The following SBF2 variants were observed in gnomAD, a reference collection of about 807,000 sequenced individuals.
SBF2 encodes SET binding factor 2, also known as myotubularin-related protein 13.
Under a neutral mutation model 225.2 loss-of-function variants are expected in SBF2, and 112 were observed. The ratio of observed to expected loss-of-function variants is 0.50; its 90% CI spans 0.43 to 0.58. The LOEUF is 0.58. Among genes scored for constraint, SBF2 ranks in the 20% least tolerant of loss-of-function variants. The pLI, the probability that SBF2 is intolerant of heterozygous loss-of-function variation, is 0.00. For missense variants in SBF2, 1,996 were observed against 2,206.2 expected (o/e 0.90, Z 1.91); for synonymous variants, 763 against 773.3 (o/e 0.99, Z 0.22).
intron 6 of SBF2, among the ~76,000 whole-genome samples, chr11:10,007,025 T>TTA (rs1460574743): frequency 2.0e-5 from 3 of 152,024 alleles, no homozygotes; most frequent in African/African-American, 7.2e-5. Flanking sequence ...TGGTCTCGGG[T>TTA]TAACAGATTA....
At chr11:9,799,694 A>G (rs1853366121) in intron 32 of SBF2, among the ~76,000 whole-genome samples, 1 of 152,208 alleles carries the variant, frequency 6.6e-6, no homozygotes, top group African/African-American at 2.4e-5. Flanking sequence ...AGAAGAAATG[A>G]TGAGATGGCT....
At chr11:9,975,490 A>G (rs905981452) in intron 13 of SBF2, among the ~76,000 whole-genome samples, 3 of 152,238 alleles carry the variant, frequency 2.0e-5, no homozygotes, top group Non-Finnish European at 4.4e-5. Context: ...AGATGTGACT[A>G]TAAAGGAGAA....
intron 16 of SBF2, chr11:9,959,213 G>A (rs17271623): frequency 0.12 from 92,070 of 778,234 alleles, 6,296 homozygotes; most frequent in Non-Finnish European, 0.13. Flanking sequence ...CACTGGGCAG[G>A]CATGACCTCA....
At chr11:9,908,392 G>A (rs1482368834) in intron 16 of SBF2, among the ~76,000 whole-genome samples, 4 of 151,820 alleles carry the variant, frequency 2.6e-5, no homozygotes, top group Admixed American at 1.3e-4. Flanking sequence ...TTGGGAGGCC[G>A]AGGCGGGTAG....
In SBF2 at chr11:10,250,349, G is replaced by A. The variant is rs536816511; in HGVS notation, c.55+43666C>T. ...GTATTCAAGAGGATGTAAGTCCAAC[G>A]CTAAGCATGGACTCAGAACCAGGAC... On this transcript the variant is annotated intron_variant, in intron 1 of 39. Coordinates refer to ENST00000256190, the MANE Select transcript of SBF2 (RefSeq NM_030962.4). Among the ~76,000 whole-genome samples, 9 of 152,234 alleles carry A rather than the reference G, an allele frequency of 5.9e-5. No individual in the cohort carries two copies. The South Asian group carries it at 1.5e-3, about 25-fold the overall frequency.
At chr11:10,001,878 T>C (rs1206652954) in intron 7 of SBF2, among the ~76,000 whole-genome samples, 1 of 152,176 alleles carries the variant, frequency 6.6e-6, no homozygotes, top group Non-Finnish European at 1.5e-5. Flanking sequence ...CTAGTTTATA[T>C]GAACTAATTT....
At chr11:10,154,868 A>G (rs1266456014) in intron 2 of SBF2, among the ~76,000 whole-genome samples, 8 of 152,158 alleles carry the variant, frequency 5.3e-5, no homozygotes, top group Non-Finnish European at 1.0e-4. Flanking sequence ...TCTCAGTGAC[A>G]GCTGATCTAT....
At chr11:10,002,766 G>T in intron 6 of SBF2, 77 bp from the exon 7 acceptor site, 2 of 1,399,804 alleles carry the variant, frequency 1.4e-6, no homozygotes, top group Non-Finnish European at 2.0e-6. Flanking sequence ...CAGTATACAC[G>T]GAAAGAAAAA....
chr11:9,983,560 C>T (rs1947053778), intron 13 of SBF2, among the ~76,000 whole-genome samples: 1 of 152,270 alleles, frequency 6.6e-6, no homozygotes, highest in South Asian at 2.1e-4. Flanking sequence ...ACCACTGGTC[C>T]CTCTCCACAC....
intron 13 of SBF2, among the ~76,000 whole-genome samples, chr11:9,980,036 A>G (rs1226191807): frequency 6.6e-6 from 1 of 151,246 alleles, no homozygotes; most frequent in Non-Finnish European, 1.5e-5. Context: ...GGCTGGATGC[A>G]GTGGTGTGAT....
chr11:9,856,710 G>C lies in SBF2; in HGVS notation c.2111C>G (p.Pro704Arg). 4 of 1,613,688 alleles carry C rather than the reference G, an allele frequency of 2.5e-6. No individual in the cohort carries two copies. The highest frequency in any genetic ancestry group is 3.4e-6 in the Non-Finnish European group (4 of 1,179,984). The change falls in exon 19 of 40, where the codon CCT becomes CGT. Residue 704 changes from proline to arginine, a missense_variant. Pro to Arg is a moderately radical substitution (Grantham distance 103). Coordinates refer to ENST00000256190, the MANE Select transcript of SBF2 (RefSeq NM_030962.4). ...APHLKQKDKL[P>R]DDHYQEKTAM... ...TGTCTTCTCCTGATAATGGTCATCAGGAAGCTTATCCTAAAAAATAAAGCA... is the reference window on the plus strand; with the variant it reads ...TGTCTTCTCCTGATAATGGTCATCACGAAGCTTATCCTAAAAAATAAAGCA...
At chr11:10,162,954 T>C (rs1955815020) in intron 2 of SBF2, among the ~76,000 whole-genome samples, 1 of 152,052 alleles carries the variant, frequency 6.6e-6, no homozygotes, top group Non-Finnish European at 1.5e-5. Flanking sequence ...TTTAGACTAG[T>C]TTTAGCTCCT....
intron 13 of SBF2, among the ~76,000 whole-genome samples, chr11:9,979,056 T>C (rs988315360): frequency 2.0e-5 from 3 of 152,174 alleles, no homozygotes; most frequent in Admixed American, 6.5e-5. Flanking sequence ...TTTTTTCCTA[T>C]TGGAGGCGAT....
At chr11:9,967,963 CTCTCTCTCTATATATATA>C (rs1275380592) in intron 14 of SBF2, among the ~76,000 whole-genome samples, 50 of 118,942 alleles carry the variant, frequency 4.2e-4, no homozygotes, top group Middle Eastern at 4.5e-3. Flanking sequence ...CTCTCTCTCT[CTCTCTCTCTATATATATA>C]TATATATATA....
intron 13 of SBF2, among the ~76,000 whole-genome samples, chr11:9,968,985 C>G (rs1209536979): frequency 2.0e-5 from 3 of 152,024 alleles, no homozygotes; most frequent in African/African-American, 7.2e-5. Context: ...AACCCCATAC[C>G]CACATGTTTA....
chr11:9,816,461 A>T (rs1358307226), intron 29 of SBF2, among the ~76,000 whole-genome samples: 1 of 152,222 alleles, frequency 6.6e-6, no homozygotes, highest in Non-Finnish European at 1.5e-5. Flanking sequence ...TAGGTTTACC[A>T]TAACAAAACT....
At chr11:10,187,307 CCTCT>C (rs148358560) in intron 2 of SBF2, among the ~76,000 whole-genome samples, 14,253 of 149,648 alleles carry the variant, frequency 0.095, 902 homozygotes, top group East Asian at 0.28. Flanking sequence ...CTTTTTCTCT[CCTCT>C]CTCTCTCTCT....
intron 2 of SBF2, among the ~76,000 whole-genome samples, chr11:10,108,669 C>T (rs1004634862): frequency 2.0e-5 from 3 of 151,664 alleles, no homozygotes; most frequent in South Asian, 2.1e-4. Flanking sequence ...GGACTACAGG[C>T]GCCCGCCACC....
intron 2 of SBF2, among the ~76,000 whole-genome samples, chr11:10,125,026 T>C (rs1193858025): frequency 1.3e-5 from 2 of 149,730 alleles, no homozygotes; most frequent in African/African-American, 4.9e-5. Flanking sequence ...GAGAATTGCT[T>C]GAACCCGGGA....
Sources: allele counts gnomAD v4.1 joint callset (sites outside exome capture counted in the v4.1 genomes callset), GRCh38; gene constraint gnomAD v4.1.1; transcripts MANE v1.5; gene names NCBI Gene and HGNC (gene_info 2026-07-23, HGNC 2026-07-21).